RBMS3: variants seen among roughly 807,000 people sequenced by gnomAD.
RBMS3 encodes the protein RNA-binding motif, single-stranded-interacting protein 3.
RBMS3 carries 27 observed loss-of-function variants against 66.8 expected under a neutral mutation model. The observed-to-expected ratio is 0.40, with a 90% confidence interval of 0.30 to 0.56. RBMS3 has a LOEUF of 0.56. RBMS3 is among the 20% of genes least tolerant of loss of function. The probability of loss-of-function intolerance (pLI) is 0.40; values close to 1 mark genes in which losing one functional copy is unlikely to be tolerated. For missense variants in RBMS3, 513 were observed against 549.5 expected (o/e 0.93, Z 0.66); for synonymous variants, 188 against 183.0 (o/e 1.03, Z -0.22).
At chr3:29,755,417 G>A (rs938728466) in intron 5 of RBMS3, among the ~76,000 whole-genome samples, 1 of 152,196 alleles carries the variant, frequency 6.6e-6, no homozygotes, top group African/African-American at 2.4e-5. Context: ...GCTTTATGGT[G>A]TAGGCATCAA....
intron 4 of RBMS3, chr3:29,697,212 T>C (rs1362277044): frequency 1.5e-6 from 1 of 686,766 alleles, no homozygotes; most frequent in Non-Finnish European, 1.8e-6. Flanking sequence ...ATGATACAAT[T>C]GGTTTATATT....
At chr3:29,402,430 C>T (rs1390203472) in intron 1 of RBMS3, among the ~76,000 whole-genome samples, 1 of 151,914 alleles carries the variant, frequency 6.6e-6, no homozygotes, top group Non-Finnish European at 1.5e-5. Context: ...GTGCAATAAA[C>T]ATTTCTTGAA....
At chr3:29,643,668 G>A (rs140146400) in intron 4 of RBMS3, among the ~76,000 whole-genome samples, 282 of 152,218 alleles carry the variant, frequency 1.9e-3, no homozygotes, top group African/African-American at 4.8e-3. Context: ...GGAAAGCGCC[G>A]TTGTTTGTGG....
At chr3:29,834,114 TAAA>T (rs2058443158) in intron 6 of RBMS3, among the ~76,000 whole-genome samples, 1 of 151,950 alleles carries the variant, frequency 6.6e-6, no homozygotes, top group African/African-American at 2.4e-5. Flanking sequence ...AATCGAGAGA[TAAA>T]GACTTTCCCA....
chr3:29,966,392 T>C (rs1026107034), intron 12 of RBMS3, among the ~76,000 whole-genome samples: 5 of 152,172 alleles, frequency 3.3e-5, no homozygotes, highest in African/African-American at 1.2e-4. Flanking sequence ...CTTTCAGAAA[T>C]ATTTTGTAGT....
At chr3:29,880,131 A>C (rs2149572104) in intron 7 of RBMS3, among the ~76,000 whole-genome samples, 1 of 152,302 alleles carries the variant, frequency 6.6e-6, no homozygotes, top group East Asian at 1.9e-4. Flanking sequence ...TAAAATATTT[A>C]GCTCCTATAG....
chr3:29,691,574 C>G lies in RBMS3; in HGVS notation c.400-48146C>G, dbSNP rs189602920. Among the ~76,000 whole-genome samples the G allele has an allele frequency of 1.8e-3, 271 of 152,120 alleles. 1 individual carries two copies. Among genetic ancestry groups the G allele is most frequent in the Admixed American group, 3.1e-3 (48 of 15,272 alleles). On this transcript the variant is annotated intron_variant, in intron 4 of 14. Coordinates refer to ENST00000383767, the MANE Select transcript of RBMS3 (RefSeq NM_001003793.3). ...TTCTACTCATCTTAGAAAGAAAAGT[C>G]AAGAAGTCCCACAGAAATGCCCCAA...
At chr3:29,969,495 A>T (rs372160341) in intron 12 of RBMS3, among the ~76,000 whole-genome samples, 5 of 152,214 alleles carry the variant, frequency 3.3e-5, no homozygotes, top group Non-Finnish European at 2.9e-5. Flanking sequence ...ATATTCTCAC[A>T]TCTGACAAAT....
In RBMS3 at chr3:29,873,541, A is replaced by G. The variant is rs115757418; in HGVS notation, c.744+4577A>G. 6.4e-3 allele frequency among the ~76,000 whole-genome samples: 981 copies of G among 152,176 alleles called. 9 individuals carry two copies. The highest frequency in any genetic ancestry group is 0.022 in the African/African-American group (932 of 41,546). ...AGAATCATGTTGTCTGCAAACAGGG[A>G]TAGTTTGACTTATCTTCCTATTTGG... On this transcript the variant is annotated intron_variant, in intron 7 of 14. Coordinates refer to ENST00000383767, the MANE Select transcript of RBMS3 (RefSeq NM_001003793.3).
chr3:29,555,290 A>G (rs920605215), intron 3 of RBMS3, among the ~76,000 whole-genome samples: 1 of 152,340 alleles, frequency 6.6e-6, no homozygotes, highest in Non-Finnish European at 1.5e-5. Context: ...ATATGAATAG[A>G]ACACTAAAGT....
chr3:29,864,082 A>G (rs2059285547), intron 6 of RBMS3, among the ~76,000 whole-genome samples: 2 of 152,220 alleles, frequency 1.3e-5, no homozygotes, highest in African/African-American at 4.8e-5. Context: ...ACTTAGCTTT[A>G]GCAACAGTAA....
intron 4 of RBMS3, chr3:29,696,926 C>T (rs1467141333): frequency 1.0e-6 from 1 of 982,144 alleles, no homozygotes; most frequent in African/African-American, 1.8e-5. Context: ...AAATGTCTCC[C>T]CTGGTCGTTT....
intron 4 of RBMS3, among the ~76,000 whole-genome samples, chr3:29,589,499 C>T (rs2047649888): frequency 1.3e-5 from 2 of 152,066 alleles, no homozygotes; most frequent in African/African-American, 4.8e-5. Context: ...ATTCTCTTAG[C>T]TTTAGACTCA....
rs549394648 is a variant in RBMS3, at chr3:29,582,312, A to G, written c.308-4802A>G. 1.3e-3 allele frequency among the ~76,000 whole-genome samples: 200 copies of G among 152,340 alleles called. 1 individual carries two copies. The highest frequency in any genetic ancestry group is 4.5e-3 in the African/African-American group (187 of 41,582). On this transcript the variant is annotated intron_variant, in intron 3 of 14. Transcript: ENST00000383767. ...AAAACATTTCAGGAAAGCATTGATTATATCTGCCAATGGAATGAGTGTATT... is the reference window on the plus strand; with the variant it reads ...AAAACATTTCAGGAAAGCATTGATTGTATCTGCCAATGGAATGAGTGTATT...
At chr3:29,437,421 A>G (rs923353872) in intron 2 of RBMS3, among the ~76,000 whole-genome samples, 2 of 152,246 alleles carry the variant, frequency 1.3e-5, no homozygotes, top group African/African-American at 2.4e-5. Flanking sequence ...AACATTGTTG[A>G]GGGAATAAGT....
At chr3:29,565,506 C>T (rs2046711183) in intron 3 of RBMS3, among the ~76,000 whole-genome samples, 1 of 152,090 alleles carries the variant, frequency 6.6e-6, no homozygotes, top group African/African-American at 2.4e-5. Context: ...ATGAGCTCAC[C>T]TATTTTTGTT....
chr3:29,471,155 A>T (rs1438577699), intron 2 of RBMS3, among the ~76,000 whole-genome samples: 1 of 152,194 alleles, frequency 6.6e-6, no homozygotes, highest in Non-Finnish European at 1.5e-5. Flanking sequence ...AGAAAACAAC[A>T]TAGCATATCT....
chr3:29,776,618 A>AAGAAATGGT, intron 6 of RBMS3, among the ~76,000 whole-genome samples: 1 of 152,174 alleles, frequency 6.6e-6, no homozygotes, highest in Middle Eastern at 3.4e-3. Context: ...GAATTCTGGC[A>AAGAAATGGT]AGAAATGGTA....
chr3:29,964,369 G>A (rs867723830), intron 12 of RBMS3, among the ~76,000 whole-genome samples: 1 of 152,184 alleles, frequency 6.6e-6, no homozygotes, highest in Non-Finnish European at 1.5e-5. Context: ...AGGTAAGAAA[G>A]TAGAGTGGTA....
Sources: allele counts gnomAD v4.1 joint callset (sites outside exome capture counted in the v4.1 genomes callset), GRCh38; gene constraint gnomAD v4.1.1; transcripts MANE v1.5; gene names NCBI Gene and HGNC (gene_info 2026-07-23, HGNC 2026-07-21).